Variants in AGBL4 observed in about 807,000 individuals in gnomAD.
AGBL4 encodes AGBL carboxypeptidase 4.
In AGBL4, 58 loss-of-function variants were observed where a neutral mutation model predicts 66.4. The observed-to-expected ratio is 0.87, with a 90% CI of 0.71 to 1.09. AGBL4 has a LOEUF of 1.09. Ranked by LOEUF, AGBL4 falls within the 50% of genes least tolerant of loss-of-function variation. The pLI, the probability that AGBL4 is intolerant of heterozygous loss-of-function variation, is 0.00. For missense variants in AGBL4, 579 were observed against 631.0 expected, an observed-to-expected ratio of 0.92 and a Z score of 0.88; for synonymous variants, 234 against 222.9, an observed-to-expected ratio of 1.05 and a Z score of -0.44.
At chr1:49,807,485 T>C (rs934249411) in intron 2 of AGBL4, among the ~76,000 whole-genome samples, 1 of 152,202 alleles carries the variant, frequency 6.6e-6, no homozygotes, top group Non-Finnish European at 1.5e-5. Context: ...CACTGTAATG[T>C]GAAAGCACAT....
intron 3 of AGBL4, among the ~76,000 whole-genome samples, chr1:49,442,536 T>C (rs1646058029): frequency 6.6e-6 from 1 of 152,220 alleles, no homozygotes; most frequent in African/African-American, 2.4e-5. Context: ...TTATTTCACT[T>C]AAGAGAATGA....
At chr1:50,001,405 G>GA (rs556261066) in intron 1 of AGBL4, among the ~76,000 whole-genome samples, 3 of 143,150 alleles carry the variant, frequency 2.1e-5, no homozygotes, top group Admixed American at 1.4e-4. Context: ...TTCAACTTAG[G>GA]AAAAAAATAA....
chr1:48,555,367 A>T (rs574491834), intron 11 of AGBL4, among the ~76,000 whole-genome samples: 4 of 152,320 alleles, frequency 2.6e-5, no homozygotes, highest in Non-Finnish European at 4.4e-5. Flanking sequence ...ACAGTATAAG[A>T]TTGAAATCCA....
chr1:49,881,051 CCACT>C (rs1193623653), intron 1 of AGBL4, among the ~76,000 whole-genome samples: 8 of 152,098 alleles, frequency 5.3e-5, no homozygotes, highest in Non-Finnish European at 1.0e-4. Flanking sequence ...TGGCCTGCGC[CCACT>C]GTCTGGCACT....
At chr1:49,088,873 T>A (rs1557631140) in intron 4 of AGBL4, among the ~76,000 whole-genome samples, 2 of 151,244 alleles carry the variant, frequency 1.3e-5, no homozygotes, top group African/African-American at 4.9e-5. Context: ...CTCAGCAAAT[T>A]AAAAAAAATC....
At chr1:48,826,196 G>A (rs1158580141) in intron 6 of AGBL4, among the ~76,000 whole-genome samples, 1 of 152,146 alleles carries the variant, frequency 6.6e-6, no homozygotes, top group Non-Finnish European at 1.5e-5. Flanking sequence ...TTCAGAAGAT[G>A]AGAGTCCCAA....
intron 3 of AGBL4, among the ~76,000 whole-genome samples, chr1:49,624,887 C>A (rs1645435795): frequency 6.6e-6 from 1 of 152,166 alleles, no homozygotes. Context: ...TAAGCCCAAT[C>A]TTAACTAATA....
intron 1 of AGBL4, 95 bp from the exon 2 acceptor site, chr1:49,851,613 G>A: frequency 1.5e-6 from 2 of 1,294,072 alleles, no homozygotes; most frequent in Middle Eastern, 2.0e-4. Flanking sequence ...TAGTCACCAA[G>A]TGTTAACCCA....
rs1439001960 is a variant in AGBL4 at position 49,155,213 on chromosome 1, CT to C, written c.377+90556del. ...ACCTCCAATGTAGATAATATCTTAC[CT>C]TTTTACAGATTAAGGAATTGAGGTT... On this transcript the variant is annotated intron_variant, in intron 4 of 13. Transcript: ENST00000371839. Among the ~76,000 whole-genome samples the C allele has an allele frequency of 3.9e-5, 6 of 152,026 alleles. No individual in the cohort carries two copies. In the East Asian group the frequency reaches 1.2e-3, roughly 29 times the overall value.
chr1:50,022,053 C>T (rs576911018), intron 1 of AGBL4, among the ~76,000 whole-genome samples: 15 of 152,292 alleles, frequency 9.8e-5, no homozygotes, highest in Admixed American at 2.6e-4. Flanking sequence ...CCACTCTTTG[C>T]CCTTTTTTTC....
intron 6 of AGBL4, among the ~76,000 whole-genome samples, chr1:48,730,397 A>G (rs1238085944): frequency 6.6e-6 from 1 of 152,172 alleles, no homozygotes; most frequent in Non-Finnish European, 1.5e-5. Flanking sequence ...CGGTTTCACT[A>G]TCTACGAAAG....
chr1:49,752,052 G>A (rs1358296331), intron 2 of AGBL4, among the ~76,000 whole-genome samples: 1 of 151,354 alleles, frequency 6.6e-6, no homozygotes, highest in Non-Finnish European at 1.5e-5. Context: ...TTTTTTGAAG[G>A]GTTTTTCGTG....
chr1:48,529,261 C>G (rs1319404496), downstream of AGBL4, among the ~76,000 whole-genome samples: 2 of 151,880 alleles, frequency 1.3e-5, no homozygotes, highest in African/African-American at 2.4e-5. Flanking sequence ...TGTACGTCAT[C>G]TGGGGAGAAG....
chr1:48,929,686 G>A (rs1654881117), intron 5 of AGBL4, among the ~76,000 whole-genome samples: 1 of 152,156 alleles, frequency 6.6e-6, no homozygotes, highest in South Asian at 2.1e-4. Flanking sequence ...TAGCACTGTT[G>A]ATTTTGAAAA....
At chr1:49,275,368 A>G (rs1644147786) in intron 3 of AGBL4, among the ~76,000 whole-genome samples, 1 of 152,138 alleles carries the variant, frequency 6.6e-6, no homozygotes, top group Admixed American at 6.5e-5. Context: ...CAGGTATTAC[A>G]GGCACACTCT....
chr1:49,047,852 C>T (rs1571319750), intron 4 of AGBL4, among the ~76,000 whole-genome samples: 1 of 151,846 alleles, frequency 6.6e-6, no homozygotes, highest in South Asian at 2.1e-4. Context: ...AGCTGAGTAC[C>T]AGAGGAAAAA....
At chr1:49,187,173 T>G (rs1286761887) in intron 4 of AGBL4, 1 of 152,192 alleles carries the variant, frequency 6.6e-6, no homozygotes, top group African/African-American at 2.4e-5. Context: ...ATTAGAATAT[T>G]CTTGTGCCAG....
At chr1:48,954,226 A>G (rs924540189) in intron 5 of AGBL4, among the ~76,000 whole-genome samples, 3 of 152,208 alleles carry the variant, frequency 2.0e-5, no homozygotes, top group Admixed American at 6.5e-5. Flanking sequence ...GAACTTACCA[A>G]AACTGTTCCA....
intron 2 of AGBL4, among the ~76,000 whole-genome samples, chr1:49,832,419 C>T (rs904514442): frequency 6.7e-6 from 1 of 150,008 alleles, no homozygotes; most frequent in Non-Finnish European, 1.5e-5. Context: ...GGCTTGGTTC[C>T]AAGTCTTTGC....
Sources: gnomAD v4.1 joint callset for allele counts (sites outside exome capture counted in the v4.1 genomes callset) on GRCh38, gnomAD v4.1.1 for gene constraint, MANE v1.5 for transcripts, NCBI Gene and HGNC (gene_info 2026-07-23, HGNC 2026-07-21) for gene names.